Variants in PTPRN2 observed in about 807,000 individuals in gnomAD.
The protein encoded by PTPRN2 is protein tyrosine phosphatase receptor type N2, also known as receptor-type tyrosine-protein phosphatase N2.
In PTPRN2, 74 loss-of-function variants were observed where a neutral mutation model predicts 118.8. The ratio of observed to expected loss-of-function variants is 0.62; its 90% CI spans 0.52 to 0.76. The LOEUF (loss-of-function observed/expected upper bound fraction) is 0.76, where lower values mean the gene tolerates loss of function less well. Among genes scored for constraint, PTPRN2 ranks in the 30% least tolerant of loss-of-function variants. The pLI is 0.00. For synonymous variants in PTPRN2, 641 were observed against 608.0 expected, an observed-to-expected ratio of 1.05 and a Z score of -0.80; for missense variants, 1,481 against 1,394.4, an observed-to-expected ratio of 1.06 and a Z score of -0.99.
intron 6 of PTPRN2, among the ~76,000 whole-genome samples, chr7:158,149,714 G>C (rs569246119): frequency 1.3e-4 from 19 of 151,602 alleles, no homozygotes; most frequent in Non-Finnish European, 2.1e-4. Flanking sequence ...TAAGGCAGGA[G>C]AATTGCTTGA....
rs187473420 is a variant in PTPRN2 at position 157,574,635 on chromosome 7, C to T, written c.2783+1978G>A. On this transcript the variant is annotated intron_variant, in intron 19 of 22. Coordinates refer to ENST00000389418, the MANE Select transcript of PTPRN2 (RefSeq NM_002847.5). ...CCTCTGGGCTCCAGAAATATTTAAT[C>T]ACACATCTCGGTGCCTGGCGAACGC... Among the ~76,000 whole-genome samples the T allele has an allele frequency of 6.5e-4, 99 of 152,334 alleles. No individual in the cohort carries two copies. In the Middle Eastern group the frequency reaches 0.017, roughly 26 times the overall value.
intron 7 of PTPRN2, among the ~76,000 whole-genome samples, chr7:158,137,273 TG>T (rs1423543909): frequency 1.3e-5 from 2 of 151,978 alleles, no homozygotes; most frequent in East Asian, 3.9e-4. Flanking sequence ...AAAAATTAGC[TG>T]GGCGTGGTAG....
intron 10 of PTPRN2, among the ~76,000 whole-genome samples, chr7:158,098,893 G>A (rs890652175): frequency 9.9e-5 from 15 of 151,898 alleles, no homozygotes; most frequent in African/African-American, 3.6e-4. Flanking sequence ...TGACAGTGCG[G>A]GGTGCAGCGT....
intron 11 of PTPRN2, 30 bp downstream of exon 11, chr7:158,081,268 G>C: frequency 6.4e-7 from 1 of 1,555,138 alleles, no homozygotes; most frequent in Non-Finnish European, 8.8e-7. Flanking sequence ...ACGTGTGTGT[G>C]CGTGTACGTG....
chr7:157,808,342 C>T lies in PTPRN2; in HGVS notation c.1788+90331G>A, dbSNP rs1034474629. ...GAGTGGCAGGTAAGCGGGTGAGTGG[C>T]GGGTGAGTGAGCGAGTGAAACTTTG... On this transcript the variant is annotated intron_variant, in intron 12 of 22. Coordinates refer to ENST00000389418, the MANE Select transcript of PTPRN2 (RefSeq NM_002847.5). This position sits in a 1 kb window ranked among gnomAD's most constrained non-coding sequence, Gnocchi z 5.0. Among the ~76,000 whole-genome samples, 12 of 151,640 alleles carry T rather than the reference C, an allele frequency of 7.9e-5. No homozygotes were observed. The highest frequency in any genetic ancestry group is 1.9e-4 in the East Asian group (1 of 5,174).
intron 2 of PTPRN2, among the ~76,000 whole-genome samples, chr7:158,330,174 ACCCGCAGACG>A (rs1563148695): frequency 2.5e-5 from 1 of 40,736 alleles, no homozygotes; most frequent in African/African-American, 8.1e-5. Context: ...AAGAGGTGAC[ACCCGCAGACG>A]TCACTCACAC....
intron 11 of PTPRN2, among the ~76,000 whole-genome samples, chr7:157,906,535 C>T (rs1359299155): frequency 6.6e-6 from 1 of 152,216 alleles, no homozygotes; most frequent in African/African-American, 2.4e-5. Context: ...CCGGACTGGG[C>T]TCTCCCAGTG....
chr7:158,086,452 T>C (rs1210596270), intron 10 of PTPRN2, among the ~76,000 whole-genome samples: 1 of 152,212 alleles, frequency 6.6e-6, no homozygotes, highest in African/African-American at 2.4e-5. Flanking sequence ...CAGCGTTTGA[T>C]TAATAACTGC....
chr7:157,849,591 C>A (rs1486525632), intron 12 of PTPRN2, among the ~76,000 whole-genome samples: 1 of 152,226 alleles, frequency 6.6e-6, no homozygotes, highest in Admixed American at 6.5e-5. Flanking sequence ...AAACTTCTGA[C>A]AAGGTTGGTG....
At position 157,932,600 on chromosome 7, in the gene PTPRN2, G is replaced by A. The variant is rs371860275; in HGVS notation, c.1724-33863C>T. 1.7e-3 allele frequency among the ~76,000 whole-genome samples: 262 copies of A among 151,534 alleles called. 4 individuals are homozygous for A. The highest frequency in any genetic ancestry group is 6.0e-3 in the African/African-American group (246 of 41,268). On this transcript the variant is annotated intron_variant, in intron 11 of 22. Coordinates refer to ENST00000389418, the MANE Select transcript of PTPRN2 (RefSeq NM_002847.5). ...CACTTGGACATTTTTAGAGTAGGGT[G>A]AGTCACTCTGACAGTTTTACAGTAG... is the stretch of plus-strand genomic sequence containing the variant.
At chr7:157,546,263 C>T (rs1798315677) in intron 22 of PTPRN2, among the ~76,000 whole-genome samples, 1 of 152,154 alleles carries the variant, frequency 6.6e-6, no homozygotes, top group Non-Finnish European at 1.5e-5. Context: ...GTGTTATCAT[C>T]TTGCTATTTA....
chr7:158,491,780 G>T (rs1291156075), intron 1 of PTPRN2, among the ~76,000 whole-genome samples: 1 of 152,162 alleles, frequency 6.6e-6, no homozygotes. Context: ...GTGAGCCACC[G>T]CGCCTGGCCA....
At chr7:158,237,612 C>T (rs1223593869) in intron 3 of PTPRN2, among the ~76,000 whole-genome samples, 1 of 28,092 alleles carries the variant, frequency 3.6e-5, no homozygotes, top group African/African-American at 2.3e-4. Context: ...CAGAGGCTGG[C>T]GGGATCCTCC....
intron 1 of PTPRN2, among the ~76,000 whole-genome samples, chr7:158,584,516 G>A (rs534840257): frequency 1.3e-5 from 2 of 152,282 alleles, no homozygotes; most frequent in African/African-American, 2.4e-5. Context: ...AAGCTGAATC[G>A]TGTCACTAGA....
chr7:158,491,099 A>C (rs1210834599), intron 1 of PTPRN2, among the ~76,000 whole-genome samples: 1 of 152,222 alleles, frequency 6.6e-6, no homozygotes, highest in Non-Finnish European at 1.5e-5. Context: ...ACCCTTACAG[A>C]GGAAGCCCTT....
At chr7:158,583,466 C>G (rs1485930251) in intron 1 of PTPRN2, among the ~76,000 whole-genome samples, 1 of 151,952 alleles carries the variant, frequency 6.6e-6, no homozygotes, top group Non-Finnish European at 1.5e-5. Flanking sequence ...AGTGATTGCC[C>G]ACCCCCACCT....
chr7:158,230,368 C>T (rs1563630057), intron 3 of PTPRN2, among the ~76,000 whole-genome samples: 1 of 152,170 alleles, frequency 6.6e-6, no homozygotes, highest in Non-Finnish European at 1.5e-5. Context: ...TACTCCAATA[C>T]TGTAATTGTG....
Position 157,619,213 on chromosome 7 carries a change from G to A in PTPRN2, c.2344+2149C>T, listed in dbSNP as rs146989696. 6.6e-6 allele frequency among the ~76,000 whole-genome samples: 1 copy of A among 152,130 alleles called. No homozygotes were observed. The highest frequency in any genetic ancestry group is 2.1e-4 in the South Asian group (1 of 4,824). On this transcript the variant is annotated intron_variant, in intron 15 of 22. Coordinates refer to ENST00000389418, the MANE Select transcript of PTPRN2 (RefSeq NM_002847.5). This position sits in a 1 kb window ranked among gnomAD's most constrained non-coding sequence, Gnocchi z 5.3. The stretch of plus-strand genomic sequence containing the variant: ...CCCATCGGCAGGTCGTTTCTGCCAC[G>A]CTCCGGGCTGTCTTTGGGGAGGGCG...
intron 12 of PTPRN2, among the ~76,000 whole-genome samples, chr7:157,752,644 C>T (rs1014156751): frequency 6.6e-6 from 1 of 152,244 alleles, no homozygotes; most frequent in Non-Finnish European, 1.5e-5. Context: ...ACCTACAGCC[C>T]ACCTCCAGGT....
Sources: gnomAD v4.1 joint callset for allele counts (sites outside exome capture counted in the v4.1 genomes callset) on GRCh38, gnomAD v4.1.1 for gene constraint, Gnocchi (gnomAD v3.1) non-coding constraint, MANE v1.5 for transcripts, NCBI Gene and HGNC (gene_info 2026-07-23, HGNC 2026-07-21) for gene names.